GSE1: variants seen among roughly 807,000 people sequenced by gnomAD.
The protein encoded by GSE1 is Gse1 coiled-coil protein.
In GSE1, 32 loss-of-function variants were observed where a neutral mutation model predicts 112.6. The observed-to-expected ratio is 0.28, with a 90% CI of 0.21 to 0.38. The LOEUF (loss-of-function observed/expected upper bound fraction) is 0.38, where lower values mean the gene tolerates loss of function less well. GSE1 is among the 10% of genes least tolerant of loss of function. The probability of loss-of-function intolerance (pLI) is 1.00; values close to 1 mark genes in which losing one functional copy is unlikely to be tolerated. For synonymous variants in GSE1, 1,115 were observed against 735.6 expected (o/e 1.52, Z -8.35); for missense variants, 2,348 against 1,699.2 (o/e 1.38, Z -6.71).
intron 1 of GSE1, among the ~76,000 whole-genome samples, chr16:85,560,635 C>T (rs2045474678): frequency 6.6e-6 from 1 of 152,034 alleles, no homozygotes; most frequent in Non-Finnish European, 1.5e-5. Flanking sequence ...CTGTGGCCTC[C>T]ACCTTCCTGC....
chr16:85,636,267 A>G (rs547836146), intron 2 of GSE1, among the ~76,000 whole-genome samples: 1 of 152,172 alleles, frequency 6.6e-6, no homozygotes, highest in Non-Finnish European at 1.5e-5. Flanking sequence ...CCATGTGCCC[A>G]TCGGTTCACT....
At chr16:85,606,996 T>G (rs1477303440), upstream of GSE1, among the ~76,000 whole-genome samples, 6 of 149,046 alleles carry the variant, frequency 4.0e-5, no homozygotes, top group African/African-American at 1.5e-4. Context: ...CTCCAGAGAG[T>G]GCGTTTCCTT....
intron 1 of GSE1, among the ~76,000 whole-genome samples, chr16:85,312,205 G>C (rs1450476081): frequency 1.4e-5 from 1 of 72,902 alleles, no homozygotes; most frequent in South Asian, 3.3e-4. Context: ...ATCCTCTTGC[G>C]GGGGGGGGGG....
intron 1 of GSE1, among the ~76,000 whole-genome samples, chr16:85,172,020 C>T (rs1398649911): frequency 2.0e-5 from 3 of 152,082 alleles, no homozygotes; most frequent in African/African-American, 7.2e-5. Flanking sequence ...GGGCAGGGGT[C>T]AGAGGAGTGG....
intron 2 of GSE1, among the ~76,000 whole-genome samples, chr16:85,637,367 G>C (rs2050088055): frequency 1.3e-5 from 2 of 152,230 alleles, no homozygotes; most frequent in East Asian, 1.9e-4. Context: ...CGGGTCGGGG[G>C]AGCTGGGTGG....
intron 1 of GSE1, among the ~76,000 whole-genome samples, chr16:85,565,389 T>C (rs2045697931): frequency 7.0e-6 from 1 of 142,092 alleles, no homozygotes. Flanking sequence ...AGTGAGACTC[T>C]GTCTCAAAAA....
chr16:85,375,737 C>T (rs577943593), intron 2 of GSE1, among the ~76,000 whole-genome samples: 1 of 65,868 alleles, frequency 1.5e-5, no homozygotes, highest in Non-Finnish European at 3.8e-5. Context: ...ACCACACAGG[C>T]CTGCCTGTCT....
Position 85,419,075 on chromosome 16 carries a change from T to G in GSE1, c.2464+61432T>G, listed in dbSNP as rs1443487568. On this transcript the variant is annotated intron_variant, in intron 2 of 2. Coordinates refer to the GSE1 transcript ENST00000637419. This position sits in a 1 kb window ranked among gnomAD's most constrained non-coding sequence, Gnocchi z 6.5. ...GGATATTTGAGTCTGGAGCTATGAATGTGGGCGTCCCAGCGCACAGATGGC... is the reference window on the plus strand; with the variant it reads ...GGATATTTGAGTCTGGAGCTATGAAGGTGGGCGTCCCAGCGCACAGATGGC... Among the ~76,000 whole-genome samples the G allele has an allele frequency of 2.0e-5, 3 of 152,080 alleles. No homozygotes were observed. Among genetic ancestry groups the G allele is most frequent in the African/African-American group, 7.2e-5 (3 of 41,388 alleles).
Position 85,540,421 on chromosome 16 carries a change from T to C in GSE1, c.2465-93493T>C, listed in dbSNP as rs985653436. ...AGCTTATTGTGGGGAGGGTCTCCTA[T>C]CGGATCCCCAACTTGTGCAAAGTGC... On this transcript the variant is annotated intron_variant, in intron 2 of 2. Coordinates refer to the GSE1 transcript ENST00000637419. Among the ~76,000 whole-genome samples, 49 of 152,194 alleles carry C rather than the reference T, an allele frequency of 3.2e-4. 1 individual carries two copies. The highest frequency in any genetic ancestry group is 1.2e-3 in the African/African-American group (49 of 41,446).
chr16:85,437,730 C>T (rs1052177170), intron 2 of GSE1, among the ~76,000 whole-genome samples: 5 of 152,210 alleles, frequency 3.3e-5, no homozygotes, highest in African/African-American at 7.2e-5. Context: ...TTACCTTCCT[C>T]CTGTCTAGGA....
At chr16:85,252,571 A>G (rs1297363218) in intron 1 of GSE1, among the ~76,000 whole-genome samples, 8 of 152,256 alleles carry the variant, frequency 5.3e-5, no homozygotes, top group Non-Finnish European at 1.2e-4. Flanking sequence ...GTCAGGTGTC[A>G]GGCCCAGAAG....
intron 1 of GSE1, among the ~76,000 whole-genome samples, chr16:85,273,134 C>T (rs925740655): frequency 4.6e-5 from 7 of 152,120 alleles, no homozygotes; most frequent in Admixed American, 2.6e-4. Context: ...TGGGAGTTGA[C>T]GGAATGGGAG....
intron 1 of GSE1, among the ~76,000 whole-genome samples, chr16:85,330,304 C>G (rs147449978): frequency 1.4e-3 from 210 of 152,284 alleles, no homozygotes; most frequent in Middle Eastern, 3.4e-3. Context: ...TGGTGACAGA[C>G]CGAGGAGCTG....
upstream of GSE1, among the ~76,000 whole-genome samples, chr16:85,553,960 G>C (rs573029871): frequency 1.5e-3 from 225 of 152,162 alleles, 1 homozygote; most frequent in African/African-American, 5.3e-3. Context: ...CCTGGTGTGA[G>C]CGCGGTGCCC....
At chr16:85,337,519 A>G (rs1341300280) in intron 1 of GSE1, among the ~76,000 whole-genome samples, 1 of 151,760 alleles carries the variant, frequency 6.6e-6, no homozygotes, top group Non-Finnish European at 1.5e-5. Flanking sequence ...GTTAGCCAGG[A>G]TGGTCTCGAT....
intron 1 of GSE1, among the ~76,000 whole-genome samples, chr16:85,199,137 A>T (rs1265649755): frequency 1.3e-5 from 2 of 151,942 alleles, no homozygotes; most frequent in Admixed American, 6.6e-5. Flanking sequence ...GTTTTGTTTT[A>T]GTAGAGACAG....
chr16:85,478,901 TTCTTTC>T (rs2041103688), intron 2 of GSE1, among the ~76,000 whole-genome samples: 1 of 78,684 alleles, frequency 1.3e-5, no homozygotes, highest in Non-Finnish European at 2.4e-5. Context: ...CTTTCTTTCT[TTCTTTC>T]TTTCTTTCTT....
intron 1 of GSE1, among the ~76,000 whole-genome samples, chr16:85,596,223 G>A (rs966453651): frequency 1.3e-5 from 2 of 152,172 alleles, no homozygotes; most frequent in Admixed American, 6.5e-5. Context: ...TCTCACATCA[G>A]CATGATGGTC....
intron 2 of GSE1, among the ~76,000 whole-genome samples, chr16:85,487,824 C>T (rs187754965): frequency 1.1e-3 from 160 of 152,318 alleles, no homozygotes; most frequent in Admixed American, 1.6e-3. Context: ...TGACCTTGCA[C>T]GGTTAACGTG....
Sources: gnomAD v4.1 joint callset for allele counts (sites outside exome capture counted in the v4.1 genomes callset) on GRCh38, gnomAD v4.1.1 for gene constraint, Gnocchi (gnomAD v3.1) non-coding constraint, MANE v1.5 for transcripts, NCBI Gene and HGNC (gene_info 2026-07-23, HGNC 2026-07-21) for gene names.